RIMS1: variants seen among roughly 807,000 people sequenced by gnomAD.
The protein encoded by RIMS1 is regulating synaptic membrane exocytosis protein 1.
A neutral mutation model predicts 214.1 loss-of-function variants in RIMS1; 83 were observed. The ratio of observed to expected loss-of-function variants is 0.39; its 90% CI spans 0.32 to 0.47. The LOEUF (loss-of-function observed/expected upper bound fraction) is 0.47. RIMS1 is among the 20% of genes least tolerant of loss of function. The pLI, the probability that RIMS1 is intolerant of heterozygous loss-of-function variation, is 0.99. For synonymous variants in RIMS1, 793 were observed against 786.8 expected (o/e 1.01, Z -0.13); for missense variants, 2,050 against 2,161.8 (o/e 0.95, Z 1.03).
Position 72,153,994 on chromosome 6 carries a change from C to T in RIMS1, c.472-25581C>T, listed in dbSNP as rs147941542. Among the ~76,000 whole-genome samples, 288 of 152,082 alleles carry T rather than the reference C, an allele frequency of 1.9e-3. 2 individuals are homozygous for T. Among genetic ancestry groups the T allele is most frequent in the African/African-American group, 6.6e-3 (275 of 41,482 alleles). On this transcript the variant is annotated intron_variant, in intron 4 of 33. Transcript: ENST00000521978. ...ATGCTATTGAGAACATAACTCTTAC[C>T]TAATGAAGGAACATAATTATTATCT...
At chr6:72,217,446 G>T (rs1339717425) in intron 6 of RIMS1, among the ~76,000 whole-genome samples, 2 of 152,056 alleles carry the variant, frequency 1.3e-5, no homozygotes, top group Non-Finnish European at 2.9e-5. Context: ...TGATTTAAAT[G>T]TTTATCTGAA....
chr6:72,283,584 G>A (rs2091182136), intron 23 of RIMS1, among the ~76,000 whole-genome samples: 1 of 151,602 alleles, frequency 6.6e-6, no homozygotes, highest in South Asian at 2.1e-4. Flanking sequence ...CAATTTGTGG[G>A]GGACAAATCA....
chr6:72,123,978 G>A (rs1278542493), intron 4 of RIMS1, among the ~76,000 whole-genome samples: 3 of 151,724 alleles, frequency 2.0e-5, no homozygotes, highest in Admixed American at 2.0e-4. Flanking sequence ...TTACATTTAA[G>A]GTTAATATTG....
chr6:72,111,510 C>T (rs1211687183), intron 4 of RIMS1, among the ~76,000 whole-genome samples: 1 of 152,124 alleles, frequency 6.6e-6, no homozygotes, highest in Non-Finnish European at 1.5e-5. Flanking sequence ...TCTTGTAATA[C>T]TGTATAATAT....
At chr6:72,047,590 G>C (rs1329468727) in intron 2 of RIMS1, among the ~76,000 whole-genome samples, 1 of 152,026 alleles carries the variant, frequency 6.6e-6, no homozygotes, top group Non-Finnish European at 1.5e-5. Flanking sequence ...GTAGCTACTA[G>C]ATCTATAAAC....
intron 6 of RIMS1, among the ~76,000 whole-genome samples, chr6:72,209,645 T>A (rs539133890): frequency 4.2e-4 from 64 of 152,294 alleles, no homozygotes; most frequent in African/African-American, 1.5e-3. Flanking sequence ...CTCATGCCTG[T>A]AATCCCAGCA....
chr6:72,378,176 T>G (rs762257102), intron 29 of RIMS1, among the ~76,000 whole-genome samples: 7 of 152,214 alleles, frequency 4.6e-5, no homozygotes, highest in Non-Finnish European at 8.8e-5. Context: ...TAATTACATA[T>G]GCCACATCTC....
chr6:72,060,961 A>G (rs1827690895), intron 2 of RIMS1, among the ~76,000 whole-genome samples: 3 of 152,054 alleles, frequency 2.0e-5, no homozygotes. Flanking sequence ...TTTCCAGTAT[A>G]CTTTATGTAA....
intron 2 of RIMS1, among the ~76,000 whole-genome samples, chr6:72,002,527 C>T (rs929969291): frequency 8.5e-5 from 13 of 152,092 alleles, no homozygotes; most frequent in African/African-American, 3.1e-4. Flanking sequence ...AGTGTGCAGA[C>T]GCTGCCACAG....
At chr6:72,363,668 A>T (rs1193752841) in intron 29 of RIMS1, among the ~76,000 whole-genome samples, 1 of 152,220 alleles carries the variant, frequency 6.6e-6, no homozygotes, top group Non-Finnish European at 1.5e-5. Flanking sequence ...TACAAAAAAG[A>T]TTGAAAGCAT....
intron 29 of RIMS1, among the ~76,000 whole-genome samples, chr6:72,368,373 C>T (rs950979843): frequency 1.4e-5 from 2 of 141,708 alleles, no homozygotes; most frequent in South Asian, 2.3e-4. Context: ...GCAATCTCGG[C>T]TCACTGTAAG....
At position 72,249,199 on chromosome 6, in the gene RIMS1, T is replaced by C. The variant is rs535897119; in HGVS notation, c.2241+1072T>C. Reference sequence around the variant, plus strand: ...TTAACAGCATATGCTTACTTAAACATAAAATGAAAAGTAACTTCTAAATTA... The same window carrying C: ...TTAACAGCATATGCTTACTTAAACACAAAATGAAAAGTAACTTCTAAATTA... On this transcript the variant is annotated intron_variant, in intron 12 of 33. Transcript: ENST00000521978. Among the ~76,000 whole-genome samples, 21 of 152,270 alleles carry C rather than the reference T, an allele frequency of 1.4e-4. No homozygotes were observed. In the South Asian group the frequency reaches 3.9e-3, roughly 29 times the overall value.
intron 1 of RIMS1, among the ~76,000 whole-genome samples, chr6:71,888,548 C>G (rs542032435): frequency 6.6e-6 from 1 of 152,296 alleles, no homozygotes; most frequent in South Asian, 2.1e-4. Flanking sequence ...CTTCTGCTTC[C>G]CCTCAGTGCA....
At chr6:72,023,046 C>A (rs1815222444) in intron 2 of RIMS1, among the ~76,000 whole-genome samples, 1 of 152,082 alleles carries the variant, frequency 6.6e-6, no homozygotes, top group Non-Finnish European at 1.5e-5. Context: ...TCTGTGGAAA[C>A]AGTTGAGAAT....
At chr6:71,938,346 T>C (rs1268154231) in intron 1 of RIMS1, among the ~76,000 whole-genome samples, 1 of 152,214 alleles carries the variant, frequency 6.6e-6, no homozygotes, top group Non-Finnish European at 1.5e-5. Context: ...GTGGGGACTC[T>C]GTGGCAGCTC....
chr6:71,951,294 G>A (rs9293857), intron 1 of RIMS1, among the ~76,000 whole-genome samples: 2,456 of 152,062 alleles, frequency 0.016, 66 homozygotes, highest in African/African-American at 0.056. Flanking sequence ...CTTTATTGCG[G>A]GAGGTTTTGT....
At chr6:71,939,017 C>A (rs567225241) in intron 1 of RIMS1, among the ~76,000 whole-genome samples, 6 of 152,322 alleles carry the variant, frequency 3.9e-5, no homozygotes, top group East Asian at 3.9e-4. Context: ...AGCCACCCAG[C>A]AGCCTGAATG....
At chr6:72,006,073 G>C in intron 2 of RIMS1, among the ~76,000 whole-genome samples, 1 of 152,122 alleles carries the variant, frequency 6.6e-6, no homozygotes, top group Non-Finnish European at 1.5e-5. Context: ...TTTACCGATG[G>C]CCTTCTTGCT....
intron 2 of RIMS1, among the ~76,000 whole-genome samples, chr6:71,994,482 A>G (rs1245466689): frequency 6.6e-6 from 1 of 152,156 alleles, no homozygotes. Context: ...GTATTGGTAT[A>G]AGGCATTTTA....
Sources: allele counts gnomAD v4.1 joint callset (sites outside exome capture counted in the v4.1 genomes callset), GRCh38; gene constraint gnomAD v4.1.1; transcripts MANE v1.5; gene names NCBI Gene and HGNC (gene_info 2026-07-23, HGNC 2026-07-21).